The following AKT3 variants were observed in gnomAD, a reference collection of about 807,000 sequenced individuals.
The protein encoded by AKT3 is AKT serine/threonine kinase 3.
Under a neutral mutation model 65.3 loss-of-function variants are expected in AKT3, and 15 were observed. The ratio of observed to expected loss-of-function variants is 0.23; its 90% CI spans 0.15 to 0.35. AKT3 has a LOEUF of 0.35. Ranked by LOEUF, AKT3 falls within the 10% of genes least tolerant of loss-of-function variation. The probability of loss-of-function intolerance (pLI) is 1.00; values close to 1 mark genes in which losing one functional copy is unlikely to be tolerated. For missense variants in AKT3, 243 were observed against 576.5 expected, an observed-to-expected ratio of 0.42 and a Z score of 5.92; for synonymous variants, 206 against 183.8, an observed-to-expected ratio of 1.12 and a Z score of -0.98.
At chr1:243,640,854 G>C (rs1264982994) in intron 5 of AKT3, among the ~76,000 whole-genome samples, 1 of 152,150 alleles carries the variant, frequency 6.6e-6, no homozygotes, top group African/African-American at 2.4e-5. Flanking sequence ...TTGTTCCACA[G>C]CGTGAGGGTT....
At chr1:243,495,588 G>A (rs540519646), downstream of AKT3, among the ~76,000 whole-genome samples, 9 of 152,314 alleles carry the variant, frequency 5.9e-5, no homozygotes, top group South Asian at 2.1e-4. Context: ...CGGAGGGGAC[G>A]AGGCCCCTCA....
At chr1:243,669,551 A>C (rs537668628) in intron 3 of AKT3, among the ~76,000 whole-genome samples, 54 of 152,308 alleles carry the variant, frequency 3.5e-4, no homozygotes, top group African/African-American at 1.3e-3. Context: ...ATCCTTTTGA[A>C]AGTACTTTAT....
At chr1:243,489,990 C>T (rs1028981664) in intron 13 of AKT3, among the ~76,000 whole-genome samples, 5 of 152,168 alleles carry the variant, frequency 3.3e-5, no homozygotes, top group African/African-American at 4.8e-5. Context: ...TGAGGTGGTC[C>T]GTGGGCTGAC....
At chr1:243,676,501 C>T (rs1016644718) in intron 3 of AKT3, among the ~76,000 whole-genome samples, 3 of 152,144 alleles carry the variant, frequency 2.0e-5, no homozygotes, top group African/African-American at 7.2e-5. Context: ...CAGTCACGGC[C>T]CTTCTCATCA....
At chr1:243,645,358 T>C (rs1466942202) in intron 5 of AKT3, among the ~76,000 whole-genome samples, 1 of 152,202 alleles carries the variant, frequency 6.6e-6, no homozygotes, top group Non-Finnish European at 1.5e-5. Flanking sequence ...TATAAATTCG[T>C]ACTTATTATG....
intron 4 of AKT3, among the ~76,000 whole-genome samples, chr1:243,663,060 C>T (rs1682491845): frequency 6.6e-6 from 1 of 152,110 alleles, no homozygotes; most frequent in Admixed American, 6.6e-5. Flanking sequence ...GGGAAAAGTA[C>T]CATTCATCCA....
At chr1:243,600,511 A>G (rs1277470990) in intron 8 of AKT3, among the ~76,000 whole-genome samples, 1 of 152,162 alleles carries the variant, frequency 6.6e-6, no homozygotes, top group East Asian at 1.9e-4. Context: ...CGACCCACAC[A>G]TATATGACTG....
intron 2 of AKT3, among the ~76,000 whole-genome samples, chr1:243,799,435 A>G (rs1324799270): frequency 1.3e-5 from 2 of 152,192 alleles, no homozygotes; most frequent in Non-Finnish European, 2.9e-5. Context: ...GGTTGTAAAA[A>G]CTATACTGTT....
In AKT3 at chr1:243,835,225, C is replaced by T. The variant is rs1017323444; in HGVS notation, c.46+7900G>A. The stretch of plus-strand genomic sequence containing the variant: ...ACTAGATGCCAGTAGCAATCCCACC[C>T]CCACATCATTTCAAACATGTCTCCA... On this transcript the variant is annotated intron_variant, in intron 2 of 13. Coordinates refer to ENST00000673466, the MANE Select transcript of AKT3 (RefSeq NM_005465.7). 2.0e-5 allele frequency among the ~76,000 whole-genome samples: 3 copies of T among 152,128 alleles called. 1 individual carries two copies. The highest frequency in any genetic ancestry group is 4.4e-5 in the Non-Finnish European group (3 of 68,032).
intron 3 of AKT3, among the ~76,000 whole-genome samples, chr1:243,691,155 A>AC (rs1186381194): frequency 6.6e-6 from 1 of 152,208 alleles, no homozygotes; most frequent in Non-Finnish European, 1.5e-5. Context: ...CAAATAGAGG[A>AC]CCAAAGGACA....
rs190312928 is a variant in AKT3 at position 243,802,292 on chromosome 1, C to G, written c.46+40833G>C. Among the ~76,000 whole-genome samples the G allele has an allele frequency of 2.6e-5, 4 of 152,210 alleles. No individual in the cohort carries two copies. In the East Asian group the frequency reaches 7.7e-4, roughly 29 times the overall value. On this transcript the variant is annotated intron_variant, in intron 2 of 13. Transcript: ENST00000673466. ...TCTGTTACAAAAAGTTCCATATGAC[C>G]CCTCTACGCTACATGACATGGTAGC...
At chr1:243,777,121 T>C (rs921090151) in intron 2 of AKT3, among the ~76,000 whole-genome samples, 4 of 151,558 alleles carry the variant, frequency 2.6e-5, no homozygotes, top group African/African-American at 4.9e-5. Flanking sequence ...ACCGGCTTCA[T>C]GGAAGACAAT....
intron 10 of AKT3, among the ~76,000 whole-genome samples, chr1:243,562,857 T>C (rs1673894211): frequency 1.3e-5 from 2 of 152,172 alleles, no homozygotes; most frequent in Non-Finnish European, 2.9e-5. Context: ...CTAGCTATCC[T>C]TGCTGTGCCC....
intron 12 of AKT3, among the ~76,000 whole-genome samples, chr1:243,541,126 T>C (rs1209154813): frequency 6.6e-6 from 1 of 152,210 alleles, no homozygotes; most frequent in African/African-American, 2.4e-5. Context: ...AAACTTTTGC[T>C]TACTAATTTT....
At chr1:243,645,505 C>A (rs1680738370) in intron 5 of AKT3, among the ~76,000 whole-genome samples, 1 of 152,142 alleles carries the variant, frequency 6.6e-6, no homozygotes, top group African/African-American at 2.4e-5. Context: ...GGAAGTACAT[C>A]CGAGCCATTA....
intron 2 of AKT3, among the ~76,000 whole-genome samples, chr1:243,738,660 A>C (rs1017040515): frequency 2.6e-5 from 4 of 152,218 alleles, no homozygotes; most frequent in African/African-American, 9.6e-5. Flanking sequence ...GTACTCGTTG[A>C]GGATGAACAG....
In AKT3 at chr1:243,695,564, A is replaced by G. The variant is rs771623787; in HGVS notation, c.172+27T>C. On this transcript the variant is annotated intron_variant, in intron 3 of 13. Transcript: ENST00000673466. The stretch of plus-strand genomic sequence containing the variant: ...AATCATAAAAATAAATAAATACAAG[A>G]TGAATCAACAATTATAATTAACTTA... The G allele has an allele frequency of 3.2e-6, 5 of 1,551,258 alleles. No individual in the cohort carries two copies. In the African/African-American group the frequency reaches 4.1e-5, roughly 13 times the overall value.
chr1:243,843,378 C>T, intron 1 of AKT3, 96 bp from the exon 2 acceptor site: 1 of 1,212,402 alleles, frequency 8.2e-7, no homozygotes, highest in Non-Finnish European at 1.0e-6. Flanking sequence ...CTTCAACTGG[C>T]CTGACCTCAC....
intron 4 of AKT3, among the ~76,000 whole-genome samples, chr1:243,661,758 G>A (rs199672475): frequency 0.032 from 2,575 of 80,130 alleles, no homozygotes; most frequent in Admixed American, 0.048. Context: ...TACCATCAGA[G>A]TGAACAGGCA....
Sources: gnomAD v4.1 joint callset for allele counts (sites outside exome capture counted in the v4.1 genomes callset) on GRCh38, gnomAD v4.1.1 for gene constraint, MANE v1.5 for transcripts, NCBI Gene and HGNC (gene_info 2026-07-23, HGNC 2026-07-21) for gene names.